THBS2: variants seen among roughly 807,000 people sequenced by gnomAD.
The protein encoded by THBS2 is thrombospondin-2.
A neutral mutation model predicts 135.2 loss-of-function variants in THBS2; 47 were observed. The observed-to-expected ratio is 0.35, with a 90% CI of 0.28 to 0.44. THBS2 has a LOEUF of 0.44. Among genes scored for constraint, THBS2 ranks in the 20% least tolerant of loss-of-function variants. THBS2 has a pLI of 1.00. For synonymous variants in THBS2, 639 were observed against 633.8 expected, an observed-to-expected ratio of 1.01 and a Z score of -0.12; for missense variants, 1,288 against 1,603.1, an observed-to-expected ratio of 0.80 and a Z score of 3.36.
intron 3 of THBS2, among the ~76,000 whole-genome samples, chr6:169,247,810 A>C (rs1780605050): frequency 6.7e-6 from 1 of 149,046 alleles, no homozygotes; most frequent in Non-Finnish European, 1.5e-5. Flanking sequence ...ATGTGAGTGC[A>C]TGCATGGTGT....
intron 4 of THBS2, among the ~76,000 whole-genome samples, chr6:169,242,846 ACTGCTC>A (rs1780388686): frequency 1.2e-4 from 1 of 8,688 alleles, no homozygotes; most frequent in African/African-American, 7.8e-4. Context: ...CCACCTTCCC[ACTGCTC>A]CCACCTTCCC....
chr6:169,229,296 CAGA>C (rs1469758575), intron 14 of THBS2, among the ~76,000 whole-genome samples: 3 of 152,234 alleles, frequency 2.0e-5, no homozygotes, highest in South Asian at 2.1e-4. Flanking sequence ...GGCTCCTCAG[CAGA>C]AGGAGAGGAG....
chr6:169,232,877 C>CG lies in THBS2; in HGVS notation c.1779+12dup. The stretch of plus-strand genomic sequence containing the variant: ...ACCTCAGGGCGCCCACAGCCCAGGG[C>CG]GGGGTCACCCACCTCGTCCAGGTCC... On this transcript the variant is annotated intron_variant, in intron 11 of 21. Transcript: ENST00000617924. The CG allele has an allele frequency of 6.2e-7, 1 of 1,601,930 alleles. No individual in the cohort carries two copies.
intron 13 of THBS2, 146 bp downstream of exon 13, chr6:169,231,834 C>T (rs1212282127): frequency 4.4e-6 from 4 of 912,830 alleles, no homozygotes; most frequent in East Asian, 5.3e-5. Flanking sequence ...GGGATGCATT[C>T]AACCTGGTGA....
chr6:169,227,808 G>A (rs768534061), intron 15 of THBS2, among the ~76,000 whole-genome samples: 4 of 152,202 alleles, frequency 2.6e-5, no homozygotes, highest in Non-Finnish European at 5.9e-5. Context: ...TGGGCCGGGC[G>A]CGGTGGCTCA....
chr6:169,221,036 C>T (rs1045249961), intron 20 of THBS2, among the ~76,000 whole-genome samples: 4 of 152,210 alleles, frequency 2.6e-5, no homozygotes, highest in African/African-American at 9.6e-5. Context: ...TTCTGTTGGG[C>T]TAACTGTGTC....
Position 169,232,028 on chromosome 6 carries a change from G to T in THBS2, c.2103C>A (p.Pro701=). ...TGGTGGCGCAGACCAGATTGAGGTT[G>T]GGCCAGCCGTCCAGGTCCGAGTCCT... ...CGEDSDLDGW[P]NLNLVCATNA... is the part of the protein sequence containing the mutation. The change falls in exon 13 of 22, where the codon CCC becomes CCA. Residue 701 remains proline (P), a synonymous_variant. Transcript: ENST00000617924. The T allele has an allele frequency of 6.2e-7, 1 of 1,614,048 alleles. No homozygotes were observed. The highest frequency in any genetic ancestry group is 8.5e-7 in the Non-Finnish European group (1 of 1,179,966).
At chr6:169,240,318 TAC>T in intron 6 of THBS2, 132 bp downstream of exon 6, 2 of 1,245,388 alleles carry the variant, frequency 1.6e-6, no homozygotes, top group Non-Finnish European at 2.2e-6. Context: ...CTGTGTTTCT[TAC>T]ACTGAAATTT....
Position 169,237,627 on chromosome 6 carries a change from C to A in THBS2, c.1298G>T (p.Arg433Leu), listed in dbSNP as rs373786183. 47 of 1,612,178 alleles carry A rather than the reference C, an allele frequency of 2.9e-5. No individual in the cohort carries two copies. Among genetic ancestry groups the A allele is most frequent in the Non-Finnish European group, 3.5e-5 (41 of 1,179,918 alleles). The change falls in exon 8 of 22, where the codon CGC becomes CTC. Residue 433 changes from arginine to leucine, a missense_variant and splice_region_variant. Transcript: ENST00000617924. ...GGTGTCACCTGCCCGACACTCACTG[C>A]GGGTGTCACACTTGCTCAGACTGCA... Reference protein sequence around the residue: ...RACSLSKCDTRIRQDGGWSHW... With the variant: ...RACSLSKCDTLIRQDGGWSHW...
intron 2 of THBS2, among the ~76,000 whole-genome samples, 154 bp downstream of exon 2, chr6:169,250,579 C>T (rs767913809): frequency 2.6e-5 from 4 of 152,226 alleles, no homozygotes; most frequent in Non-Finnish European, 5.9e-5. Context: ...GTCATATTGG[C>T]TCAGAAGTAA....
intron 18 of THBS2, 148 bp from the exon 19 acceptor site, chr6:169,222,616 G>A (rs1388879566): frequency 1.1e-6 from 1 of 874,476 alleles, no homozygotes; most frequent in Non-Finnish European, 1.7e-6. Context: ...CCAATATGGT[G>A]AAACCTTGTC....
At chr6:169,232,309 C>A in intron 12 of THBS2, 111 bp from the exon 13 acceptor site, 1 of 1,249,694 alleles carries the variant, frequency 8.0e-7, no homozygotes, top group South Asian at 1.3e-5. Flanking sequence ...CCAAGCGGAC[C>A]CAAGTCCTGA....
chr6:169,231,652 C>T (rs532267740), intron 13 of THBS2, among the ~76,000 whole-genome samples: 6 of 152,350 alleles, frequency 3.9e-5, no homozygotes, highest in African/African-American at 9.6e-5. Flanking sequence ...ATGGCCTCTG[C>T]ACAGCCTGGA....
intron 2 of THBS2, among the ~76,000 whole-genome samples, chr6:169,250,234 T>A (rs1262738634): frequency 6.6e-6 from 1 of 152,214 alleles, no homozygotes; most frequent in Admixed American, 6.5e-5. Context: ...AAGGATATAA[T>A]CACAAATGCT....
chr6:169,226,962 G>C, intron 15 of THBS2, among the ~76,000 whole-genome samples: 1 of 152,094 alleles, frequency 6.6e-6, no homozygotes, highest in East Asian at 1.9e-4. Context: ...AATAAAAATG[G>C]AAGGGACTGG....
chr6:169,243,828 C>T (rs776872400), intron 4 of THBS2, among the ~76,000 whole-genome samples: 75 of 152,332 alleles, frequency 4.9e-4, no homozygotes, highest in Non-Finnish European at 6.0e-4. Context: ...TTTCTCCAGG[C>T]TTCTGCCAGT....
chr6:169,251,036 T>A (rs1273589517), intron 1 of THBS2, among the ~76,000 whole-genome samples: 1 of 152,228 alleles, frequency 6.6e-6, no homozygotes, highest in East Asian at 1.9e-4. Context: ...GCACTGCACA[T>A]CACGTTCTAA....
At chr6:169,219,475 CA>C (rs1244906546) in intron 21 of THBS2, among the ~76,000 whole-genome samples, 2 of 152,000 alleles carry the variant, frequency 1.3e-5, no homozygotes, top group Non-Finnish European at 2.9e-5. Context: ...CCTTGAAAGA[CA>C]TCCTAACATA....
At chr6:169,239,761 G>T in intron 6 of THBS2, 66 bp from the exon 7 acceptor site, 1 of 1,225,418 alleles carries the variant, frequency 8.2e-7, no homozygotes, top group Non-Finnish European at 1.2e-6. Context: ...TACAAGGGCT[G>T]AGACTAGAAG....
Sources: allele counts gnomAD v4.1 joint callset (sites outside exome capture counted in the v4.1 genomes callset), GRCh38; gene constraint gnomAD v4.1.1; transcripts MANE v1.5; gene names NCBI Gene and HGNC (gene_info 2026-07-23, HGNC 2026-07-21).